The following ZNF804B variants were observed in gnomAD, a reference collection of about 807,000 sequenced individuals.
ZNF804B encodes the protein zinc finger protein 804B.
A neutral mutation model predicts 101.4 loss-of-function variants in ZNF804B; 80 were observed. The observed-to-expected ratio is 0.79, with a 90% CI of 0.66 to 0.95. ZNF804B has a LOEUF of 0.95. Ranked by LOEUF, ZNF804B falls within the 40% of genes least tolerant of loss-of-function variation. The pLI, the probability that ZNF804B is intolerant of heterozygous loss-of-function variation, is 0.00. For missense variants in ZNF804B, 1,673 were observed against 1,561.9 expected (o/e 1.07, Z -1.20); for synonymous variants, 622 against 558.8 (o/e 1.11, Z -1.59).
At chr7:88,933,082 A>C (rs1792913060) in intron 1 of ZNF804B, among the ~76,000 whole-genome samples, 1 of 151,960 alleles carries the variant, frequency 6.6e-6, no homozygotes, top group African/African-American at 2.4e-5. Context: ...CAGAATATCA[A>C]AAATATAATA....
intron 1 of ZNF804B, among the ~76,000 whole-genome samples, chr7:88,883,244 C>T (rs1422657630): frequency 6.6e-6 from 1 of 152,036 alleles, no homozygotes; most frequent in African/African-American, 2.4e-5. Context: ...TTGATCTCAT[C>T]AGGTTGGGAT....
chr7:88,857,926 C>T (rs1371553952), intron 1 of ZNF804B, among the ~76,000 whole-genome samples: 3 of 139,816 alleles, frequency 2.1e-5, no homozygotes, highest in Non-Finnish European at 4.5e-5. Flanking sequence ...CAGGATCAAG[C>T]GATTTCATGC....
intron 1 of ZNF804B, among the ~76,000 whole-genome samples, chr7:88,974,200 C>A (rs1793580411): frequency 6.6e-6 from 1 of 150,960 alleles, no homozygotes; most frequent in Non-Finnish European, 1.5e-5. Flanking sequence ...ACTCTCTGGG[C>A]CTCATGAAAA....
At chr7:88,844,652 C>T (rs1583971637) in intron 1 of ZNF804B, among the ~76,000 whole-genome samples, 1 of 152,170 alleles carries the variant, frequency 6.6e-6, no homozygotes, top group Non-Finnish European at 1.5e-5. Context: ...TAAGAGTGAT[C>T]TGGGAATTCA....
At chr7:89,182,094 G>A (rs1788305454) in intron 1 of ZNF804B, among the ~76,000 whole-genome samples, 2 of 152,064 alleles carry the variant, frequency 1.3e-5, no homozygotes, top group Admixed American at 1.3e-4. Flanking sequence ...TATCAAATAG[G>A]AAATTACCCT....
intron 1 of ZNF804B, among the ~76,000 whole-genome samples, chr7:89,120,265 G>A (rs1790380539): frequency 2.6e-5 from 4 of 152,086 alleles, no homozygotes; most frequent in Admixed American, 6.5e-5. Context: ...TCCAGCCTGG[G>A]CAACCGAGCA....
intron 1 of ZNF804B, among the ~76,000 whole-genome samples, chr7:89,196,291 A>G (rs557981020): frequency 3.2e-4 from 48 of 152,240 alleles, no homozygotes; most frequent in Non-Finnish European, 5.3e-4. Context: ...ACGTAGACCA[A>G]TGGAACAGAA....
At chr7:89,174,192 A>G (rs1791282847) in intron 1 of ZNF804B, among the ~76,000 whole-genome samples, 2 of 151,908 alleles carry the variant, frequency 1.3e-5, no homozygotes, top group Admixed American at 1.3e-4. Flanking sequence ...TATTCCATCT[A>G]ACTATATACT....
At chr7:88,770,620 T>A (rs1790048108) in intron 1 of ZNF804B, among the ~76,000 whole-genome samples, 1 of 152,128 alleles carries the variant, frequency 6.6e-6, no homozygotes, top group Non-Finnish European at 1.5e-5. Flanking sequence ...TCCAATGGTG[T>A]GGGAGCTCTC....
At chr7:89,009,761 A>G (rs531690997) in intron 1 of ZNF804B, among the ~76,000 whole-genome samples, 1 of 152,326 alleles carries the variant, frequency 6.6e-6, no homozygotes, top group South Asian at 2.1e-4. Flanking sequence ...TCTACTGGCA[A>G]CTTCCTCTTG....
chr7:89,249,029 T>A (rs1336160076), intron 2 of ZNF804B, among the ~76,000 whole-genome samples: 18 of 119,164 alleles, frequency 1.5e-4, no homozygotes, highest in East Asian at 2.8e-4. Flanking sequence ...CCAATAACAG[T>A]AAAAAAAAAA....
chr7:88,962,384 G>A (rs1004113958), intron 1 of ZNF804B, among the ~76,000 whole-genome samples: 1 of 151,030 alleles, frequency 6.6e-6, no homozygotes, highest in Non-Finnish European at 1.5e-5. Flanking sequence ...TTGCTATTCA[G>A]GTTTCTGAAA....
chr7:88,848,667 C>T (rs184468962), intron 1 of ZNF804B, among the ~76,000 whole-genome samples: 5 of 140,296 alleles, frequency 3.6e-5, no homozygotes, highest in South Asian at 2.3e-4. Flanking sequence ...TTAGAAATTA[C>T]GGACTTGATT....
chr7:88,972,498 C>G (rs370165628), intron 1 of ZNF804B, among the ~76,000 whole-genome samples: 1 of 151,168 alleles, frequency 6.6e-6, no homozygotes, highest in African/African-American at 2.4e-5. Flanking sequence ...CTAGGTGTAC[C>G]TAGCATAGCC....
intron 1 of ZNF804B, among the ~76,000 whole-genome samples, chr7:89,150,647 A>C (rs1156502642): frequency 6.6e-6 from 1 of 152,144 alleles, no homozygotes; most frequent in African/African-American, 2.4e-5. Flanking sequence ...TTTTCATTTA[A>C]AAATTATATT....
chr7:89,058,972 G>A (rs886341274), intron 1 of ZNF804B, among the ~76,000 whole-genome samples: 5 of 152,132 alleles, frequency 3.3e-5, no homozygotes, highest in Admixed American at 2.6e-4. Context: ...AGGATTTACA[G>A]GTGTGAGCCA....
chr7:89,234,185 G>C (rs1219326735), intron 2 of ZNF804B, among the ~76,000 whole-genome samples: 1 of 152,108 alleles, frequency 6.6e-6, no homozygotes, highest in East Asian at 1.9e-4. Flanking sequence ...AGGTATTAAA[G>C]ATATGGCAAT....
At chr7:89,307,768 T>C (rs1214792233) in intron 2 of ZNF804B, among the ~76,000 whole-genome samples, 1 of 152,052 alleles carries the variant, frequency 6.6e-6, no homozygotes, top group African/African-American at 2.4e-5. Flanking sequence ...ATAGAAACAT[T>C]TGTTTTTATA....
intron 1 of ZNF804B, among the ~76,000 whole-genome samples, chr7:88,944,274 A>C (rs1793095131): frequency 6.6e-6 from 1 of 151,784 alleles, no homozygotes; most frequent in Non-Finnish European, 1.5e-5. Context: ...ATTGCCATTA[A>C]AAAATTAATT....
Sources: gnomAD v4.1 joint callset for allele counts (sites outside exome capture counted in the v4.1 genomes callset) on GRCh38, gnomAD v4.1.1 for gene constraint, MANE v1.5 for transcripts, NCBI Gene and HGNC (gene_info 2026-07-23, HGNC 2026-07-21) for gene names.